Variants in KCNJ10 observed in about 807,000 individuals in gnomAD.
The protein encoded by KCNJ10 is ATP-sensitive inward rectifier potassium channel 10.
KCNJ10 carries 9 observed loss-of-function variants against 22.2 expected under a neutral mutation model. That is an observed-to-expected ratio of 0.40 (90% CI 0.24 to 0.71). The LOEUF (loss-of-function observed/expected upper bound fraction) is 0.71, where lower values mean the gene tolerates loss of function less well. KCNJ10 is among the 30% of genes least tolerant of loss of function. The probability of loss-of-function intolerance (pLI) is 0.35; values close to 1 mark genes in which losing one functional copy is unlikely to be tolerated. For synonymous variants in KCNJ10, 184 were observed against 187.3 expected, an observed-to-expected ratio of 0.98 and a Z score of 0.15; for missense variants, 337 against 482.7, an observed-to-expected ratio of 0.70 and a Z score of 2.83.
chr1:160,060,271 T>G (rs1571274285), intron 1 of KCNJ10, among the ~76,000 whole-genome samples: 2 of 152,186 alleles, frequency 1.3e-5, no homozygotes, highest in Admixed American at 6.5e-5. Flanking sequence ...CACTGTCCTC[T>G]GTCTCCTATA....
In KCNJ10 at chr1:160,041,443, G is replaced by T; in HGVS notation, c.1090C>A (p.Gln364Lys). ...AGGGCACTGCCCTCCTTCTCAGCTT[G>T]CTCCCTTAATGACTCCTCCAACTTG... ...KLKLEESLRE[Q>K]AEKEGSALSV... Residue 364 changes from glutamine to lysine, a missense_variant, in exon 2 of 2, where the codon CAA becomes AAA. This residue lies in a region of KCNJ10 where 65 missense variants were observed against 66.0 expected (regional missense o/e 0.98). Transcript: ENST00000644903. This position sits in a 1 kb window ranked among gnomAD's most constrained non-coding sequence, Gnocchi z 4.4. 1 of 1,614,024 alleles carries T rather than the reference G, an allele frequency of 6.2e-7. No individual in the cohort carries two copies. Among genetic ancestry groups the T allele is most frequent in the Non-Finnish European group, 8.5e-7 (1 of 1,179,998 alleles).
Position 160,041,452 on chromosome 1 carries a change from A to G in KCNJ10, c.1081T>C (p.Leu361=). The change falls in exon 2 of 2, where the codon TTA becomes CTA. Residue 361 remains leucine (L), a synonymous_variant. Transcript: ENST00000644903. This position sits in a 1 kb window ranked among gnomAD's most constrained non-coding sequence, Gnocchi z 4.4. ...CCCTCCTTCTCAGCTTGCTCCCTTA[A>G]TGACTCCTCCAACTTGAGCTTTTCA... ...DPEKLKLEES[L]REQAEKEGSA... The G allele has an allele frequency of 6.2e-7, 1 of 1,614,086 alleles. No individual in the cohort carries two copies. Among genetic ancestry groups the G allele is most frequent in the Non-Finnish European group, 8.5e-7 (1 of 1,179,994 alleles).
chr1:160,067,790 C>T (rs1649355360), intron 1 of KCNJ10: 1 of 152,164 alleles, frequency 6.6e-6, no homozygotes, highest in Non-Finnish European at 1.5e-5. Context: ...AAGAGTTTTA[C>T]CAGGAGGCTC....
At chr1:160,062,973 C>T (rs913901879) in intron 1 of KCNJ10, among the ~76,000 whole-genome samples, 1 of 152,260 alleles carries the variant, frequency 6.6e-6, no homozygotes, top group East Asian at 1.9e-4. Flanking sequence ...CACCTGTGCT[C>T]TTCCAGGGAA....
At chr1:160,058,530 T>C (rs1333028371) in intron 1 of KCNJ10, among the ~76,000 whole-genome samples, 1 of 152,208 alleles carries the variant, frequency 6.6e-6, no homozygotes, top group Non-Finnish European at 1.5e-5. Flanking sequence ...AACTTAAAGC[T>C]TCTTCCTGCA....
rs575582377 is a variant in KCNJ10, at chr1:160,063,078, G to A, written c.-1+6944C>T. Among the ~76,000 whole-genome samples the A allele has an allele frequency of 4.6e-5, 7 of 152,316 alleles. No homozygotes were observed. The South Asian group carries it at 1.5e-3, about 32-fold the overall frequency. On this transcript the variant is annotated intron_variant, in intron 1 of 1. Transcript: ENST00000644903. ...CCAGGACTAGCTCTTCCCAGTATAT[G>A]TCTAACTCCCCATCTGCCTCCTCCT...
chr1:160,058,845 T>C (rs1255908639), intron 1 of KCNJ10, among the ~76,000 whole-genome samples: 3 of 152,156 alleles, frequency 2.0e-5, no homozygotes, highest in East Asian at 1.9e-4. Context: ...TAGCAAATAA[T>C]GGGGTCTCTT....
Position 160,040,740 on chromosome 1 carries a change from ATGAGGGAACTGGGTATCC to A in KCNJ10, c.*635_*652del, listed in dbSNP as rs1342416757. The A allele has an allele frequency of 2.5e-6, 1 of 398,226 alleles. No homozygotes were observed. The highest frequency in any genetic ancestry group is 2.1e-5 in the African/African-American group (1 of 48,578). 24.7% of individuals were successfully genotyped at this position (398,226 alleles called of 1,614,324 possible). A position where few individuals can be genotyped will look rare whatever the true frequency, so the allele number is the denominator to read the frequency against. ...CTCCAATTCTCTGAGAACAGAGGCT[ATGAGGGAACTGGGTATCC>A]TGAGAGTGTTCACTTGAGAAACTAC... On this transcript the variant is annotated 3_prime_UTR_variant, in exon 2 of 2. Transcript: ENST00000644903.
chr1:160,056,125 C>T (rs1649032029), intron 1 of KCNJ10, among the ~76,000 whole-genome samples: 1 of 152,090 alleles, frequency 6.6e-6, no homozygotes, highest in Non-Finnish European at 1.5e-5. Context: ...CATGACTCCT[C>T]TTCATGTCCA....
chr1:160,048,077 C>T (rs1249634024), intron 1 of KCNJ10, among the ~76,000 whole-genome samples: 1 of 152,208 alleles, frequency 6.6e-6, no homozygotes, highest in East Asian at 1.9e-4. Flanking sequence ...CATTATAGTG[C>T]TTTGAGATGG....
chr1:160,067,821 C>T (rs1228663187), intron 1 of KCNJ10: 1 of 152,196 alleles, frequency 6.6e-6, no homozygotes, highest in Non-Finnish European at 1.5e-5. Context: ...TTTGAGGAAA[C>T]AGATCTTTCT....
At chr1:160,064,158 T>C (rs963165491) in intron 1 of KCNJ10, among the ~76,000 whole-genome samples, 2 of 152,224 alleles carry the variant, frequency 1.3e-5, no homozygotes, top group Admixed American at 6.5e-5. Flanking sequence ...AACTGTCTTC[T>C]AAGGTTCCTC....
In KCNJ10 at chr1:160,042,036, A is replaced by G. The variant is rs1130182; in HGVS notation, c.497T>C (p.Leu166Pro). ...CTTCTTGGGCCGGGCAATCTTCGCC[A>G]GGAAGGTACCTGTGATGAAGATTTC... Reference protein sequence around the residue: ...ILEIFITGTFLAKIARPKKRA... With the variant: ...ILEIFITGTFPAKIARPKKRA... Residue 166 changes from leucine to proline, a missense_variant, in exon 2 of 2, where the codon CTG (leucine) becomes CCG (proline). Physicochemically the swap from Leu to Pro is moderately conservative, Grantham distance 98. Around this residue, in one of 3 missense-constraint regions of KCNJ10, gnomAD observed 165 missense variants for 281.5 expected, o/e 0.59. Coordinates refer to ENST00000644903, the MANE Select transcript of KCNJ10 (RefSeq NM_002241.5). The G allele has an allele frequency of 6.4e-7, 1 of 1,560,502 alleles. No homozygotes were observed. The highest frequency in any genetic ancestry group is 8.7e-7 in the Non-Finnish European group (1 of 1,152,494).
At position 160,039,395 on chromosome 1, in the gene KCNJ10, CACACA is replaced by C; in HGVS notation, c.*1993_*1997del. On this transcript the variant is annotated 3_prime_UTR_variant, in exon 2 of 2. Coordinates refer to ENST00000644903, the MANE Select transcript of KCNJ10 (RefSeq NM_002241.5). ...ATAGACACACACACACACACACACA[CACACA>C]CACACACACACACACACACACACAG... 6.6e-6 allele frequency: 1 copy of C among 150,774 alleles called. No homozygotes were observed. The highest frequency in any genetic ancestry group is 2.5e-5 in the African/African-American group (1 of 39,394). The allele number at this position is 150,774 out of a possible 1,614,324, so 9.3% of individuals were successfully genotyped here. A position where few individuals can be genotyped will look rare whatever the true frequency, so the allele number is the denominator to read the frequency against.
chr1:160,050,246 A>G (rs1648868633), intron 1 of KCNJ10, among the ~76,000 whole-genome samples: 1 of 150,460 alleles, frequency 6.6e-6, no homozygotes. Context: ...TGATTCTACT[A>G]CCTCATCCTC....
At chr1:160,045,279 A>C (rs1374354903) in intron 1 of KCNJ10, among the ~76,000 whole-genome samples, 1 of 152,224 alleles carries the variant, frequency 6.6e-6, no homozygotes, top group African/African-American at 2.4e-5. Context: ...GCCTTGCCCT[A>C]TTCAATTTTC....
intron 1 of KCNJ10, among the ~76,000 whole-genome samples, chr1:160,066,585 A>G (rs563036439): frequency 9.5e-4 from 145 of 152,300 alleles, no homozygotes; most frequent in Non-Finnish European, 1.7e-3. Context: ...TATGAGCCCT[A>G]TTGTGAGGAT....
chr1:160,050,733 G>A (rs545539614), intron 1 of KCNJ10, among the ~76,000 whole-genome samples: 6 of 152,252 alleles, frequency 3.9e-5, no homozygotes, highest in Admixed American at 6.5e-5. Context: ...TGGTTGAAGC[G>A]TTGGGAGCAC....
intron 1 of KCNJ10, among the ~76,000 whole-genome samples, chr1:160,059,023 A>T (rs530386244): frequency 6.6e-5 from 10 of 152,180 alleles, no homozygotes; most frequent in Non-Finnish European, 1.5e-4. Flanking sequence ...CTCAGGCTTT[A>T]CGGTGCGCCA....
Sources: gnomAD v4.1 joint callset for allele counts (sites outside exome capture counted in the v4.1 genomes callset) on GRCh38, gnomAD v4.1.1 for gene constraint, gnomAD v4.1.1 regional missense constraint, Gnocchi (gnomAD v3.1) non-coding constraint, MANE v1.5 for transcripts, NCBI Gene and HGNC (gene_info 2026-07-23, HGNC 2026-07-21) for gene names.